The following PRMT7 variants were observed in gnomAD, a reference collection of about 807,000 sequenced individuals.
The protein encoded by PRMT7 is protein arginine methyltransferase 7.
In PRMT7, 75 loss-of-function variants were observed where a neutral mutation model predicts 85.4. The ratio of observed to expected loss-of-function variants is 0.88; its 90% CI spans 0.73 to 1.06. The LOEUF (loss-of-function observed/expected upper bound fraction) is 1.06. Ranked by LOEUF, PRMT7 falls within the 50% of genes least tolerant of loss-of-function variation. The pLI is 0.00. For synonymous variants in PRMT7, 397 were observed against 359.5 expected, an observed-to-expected ratio of 1.10 and a Z score of -1.18; for missense variants, 868 against 915.2, an observed-to-expected ratio of 0.95 and a Z score of 0.67.
chr16:68,340,375 G>A (rs2151745293), intron 9 of PRMT7, among the ~76,000 whole-genome samples: 1 of 152,258 alleles, frequency 6.6e-6, no homozygotes, highest in South Asian at 2.1e-4. Flanking sequence ...ATGAAACACA[G>A]AAAAGGAAAT....
intron 11 of PRMT7, among the ~76,000 whole-genome samples, chr16:68,346,954 C>G (rs1286761969): frequency 6.8e-6 from 1 of 145,998 alleles, no homozygotes; most frequent in Non-Finnish European, 1.5e-5. Context: ...GGAAGGTGGC[C>G]TGCAGGTGGT....
chr16:68,346,928 C>T (rs2086486872), intron 11 of PRMT7, among the ~76,000 whole-genome samples: 1 of 152,054 alleles, frequency 6.6e-6, no homozygotes. Context: ...AGGGAAGAAG[C>T]CTGTTGTCAT....
At chr16:68,356,880 C>G (rs1377288144) in intron 18 of PRMT7, 83 bp downstream of exon 18, 1 of 1,422,008 alleles carries the variant, frequency 7.0e-7, no homozygotes, top group Non-Finnish European at 9.6e-7. Context: ...CCCCCATGCT[C>G]TGGGTGTTTC....
At position 68,324,706 on chromosome 16, in the gene PRMT7, C is replaced by G; in HGVS notation, c.156C>G (p.Ile52Met). The change falls in exon 5 of 19, where the codon ATC becomes ATG. Residue 52 changes from isoleucine to methionine, a missense_variant. Physicochemically the swap from Ile to Met is conservative, Grantham distance 10. Transcript: ENST00000441236. ...KDRNVKYYQG[I>M]RAAVSRVKDR... ...AGAATGTAAAATACTACCAAGGTAT[C>G]CGGGCTGCCGTGAGCAGGGTGAAGG... The G allele has an allele frequency of 1.2e-6, 2 of 1,614,246 alleles. No individual in the cohort carries two copies. The highest frequency in any genetic ancestry group is 1.7e-6 in the Non-Finnish European group (2 of 1,180,028).
intron 15 of PRMT7, 117 bp downstream of exon 15, chr16:68,352,526 G>A: frequency 9.8e-7 from 1 of 1,025,002 alleles, no homozygotes. Context: ...ATTTGAGCTT[G>A]TGTTTTCTTT....
chr16:68,337,388 T>C, intron 6 of PRMT7, 71 bp from the exon 7 acceptor site: 3 of 1,068,878 alleles, frequency 2.8e-6, no homozygotes, highest in South Asian at 1.3e-5. Context: ...CACTTATCTT[T>C]CCCATATTTG....
intron 5 of PRMT7, among the ~76,000 whole-genome samples, chr16:68,326,355 C>A (rs1567659147): frequency 1.3e-5 from 2 of 152,166 alleles, no homozygotes; most frequent in African/African-American, 4.8e-5. Context: ...AAGCAATTCT[C>A]TTTTCTCAGC....
chr16:68,343,205 A>C (rs2085807684), intron 9 of PRMT7, among the ~76,000 whole-genome samples: 1 of 113,084 alleles, frequency 8.8e-6, no homozygotes, highest in African/African-American at 3.5e-5. Context: ...ACTCCGTCTC[A>C]AAAAAAAAAA....
At chr16:68,316,210 G>C (rs2081833696) in intron 3 of PRMT7, 136 bp downstream of exon 3, 5 of 727,450 alleles carry the variant, frequency 6.9e-6, no homozygotes, top group Non-Finnish European at 7.1e-6. Flanking sequence ...GTCCTGAGCA[G>C]GTCTGCTCAG....
At chr16:68,335,360 C>T (rs1567683827) in intron 6 of PRMT7, among the ~76,000 whole-genome samples, 4 of 151,286 alleles carry the variant, frequency 2.6e-5, no homozygotes. Context: ...CTATGTGACT[C>T]ATTGATTGAT....
Position 68,311,111 on chromosome 16 carries a change from G to T in PRMT7, c.-219+12G>T. 1 of 695,830 alleles carries T rather than the reference G, an allele frequency of 1.4e-6. No individual in the cohort carries two copies. The highest frequency in any genetic ancestry group is 2.6e-6 in the Non-Finnish European group (1 of 384,378). 43.1% of individuals were successfully genotyped at this position (695,830 alleles called of 1,614,324 possible). Reference sequence around the variant, plus strand: ...GTTTCCCGCGGCGGGTGAGGCGCTGGGTATGCTGGGAAGGTGGGGTCGCTT... The same window carrying T: ...GTTTCCCGCGGCGGGTGAGGCGCTGTGTATGCTGGGAAGGTGGGGTCGCTT... On this transcript the variant is annotated intron_variant, in intron 1 of 18. Coordinates refer to ENST00000441236, the MANE Select transcript of PRMT7 (RefSeq NM_019023.5).
chr16:68,356,672 C>T (rs1270360671), intron 17 of PRMT7, 29 bp from the exon 18 acceptor site: 2 of 1,581,012 alleles, frequency 1.3e-6, no homozygotes, highest in East Asian at 4.5e-5. Context: ...TGTGTGACTA[C>T]TTCTGCTGGG....
Position 68,339,462 on chromosome 16 carries a change from C to T in PRMT7, c.645C>T (p.Asp215=), listed in dbSNP as rs370445147. 3.0e-5 allele frequency: 49 copies of T among 1,614,112 alleles called. 1 individual carries two copies. The highest frequency in any genetic ancestry group is 8.3e-5 in the Admixed American group (5 of 60,004). ...LGEQVIVPPV[D]VESCPGAPSV... is the part of the protein sequence containing the mutation. The stretch of plus-strand genomic sequence containing the variant: ...AGCAGGTCATCGTCCCTCCCGTTGA[C>T]GTGGAGAGCTGCCCTGGCGCACCCT... Residue 215 remains aspartate (D), a synonymous_variant, in exon 8 of 19, where the codon GAC becomes GAT. Transcript: ENST00000441236.
rs768390543 is a variant in PRMT7, at chr16:68,339,463, G to T, written c.646G>T (p.Val216Leu). Residue 216 changes from valine to leucine, a missense_variant, in exon 8 of 19, where the codon GTG becomes TTG. Coordinates refer to ENST00000441236, the MANE Select transcript of PRMT7 (RefSeq NM_019023.5). ...GEQVIVPPVDVESCPGAPSVC... is the reference protein window; with the variant it reads ...GEQVIVPPVDLESCPGAPSVC... ...GCAGGTCATCGTCCCTCCCGTTGAC[G>T]TGGAGAGCTGCCCTGGCGCACCCTC... is the stretch of plus-strand genomic sequence containing the variant. 1.9e-6 allele frequency: 3 copies of T among 1,614,208 alleles called. No individual in the cohort carries two copies. The highest frequency in any genetic ancestry group is 1.7e-5 in the Admixed American group (1 of 60,022).
intron 11 of PRMT7, among the ~76,000 whole-genome samples, chr16:68,346,760 T>G (rs1258371441): frequency 2.0e-5 from 3 of 151,288 alleles, no homozygotes; most frequent in African/African-American, 7.3e-5. Flanking sequence ...CAGAAATAGG[T>G]GTGAATGTGT....
chr16:68,350,300 GGGTC>G (rs2087107396), intron 14 of PRMT7, among the ~76,000 whole-genome samples: 1 of 152,202 alleles, frequency 6.6e-6, no homozygotes, highest in Non-Finnish European at 1.5e-5. Flanking sequence ...GTGGATTGCT[GGGTC>G]ATGTGGTAGT....
intron 6 of PRMT7, among the ~76,000 whole-genome samples, chr16:68,331,416 A>T (rs1272921368): frequency 1.3e-5 from 2 of 151,316 alleles, no homozygotes; most frequent in African/African-American, 2.4e-5. Context: ...TGCAGCATCT[A>T]ATATGCTGTT....
chr16:68,328,335 A>G (rs1289691928), intron 5 of PRMT7: 1 of 153,272 alleles, frequency 6.5e-6, no homozygotes, highest in Non-Finnish European at 1.5e-5. Context: ...GAGCCATAAC[A>G]GTGTGGGGGC....
chr16:68,315,869 A>G, intron 2 of PRMT7, 28 bp from the exon 3 acceptor site: 2 of 867,530 alleles, frequency 2.3e-6, no homozygotes, highest in South Asian at 2.9e-5. Flanking sequence ...TTGTTTATAT[A>G]CCTCCTGTTT....
Sources: gnomAD v4.1 joint callset for allele counts (sites outside exome capture counted in the v4.1 genomes callset) on GRCh38, gnomAD v4.1.1 for gene constraint, MANE v1.5 for transcripts, NCBI Gene and HGNC (gene_info 2026-07-23, HGNC 2026-07-21) for gene names.